The following MKLN1 variants were observed in gnomAD, a reference collection of about 807,000 sequenced individuals.
MKLN1 encodes muskelin.
MKLN1 carries 18 observed loss-of-function variants against 99.0 expected under a neutral mutation model. The observed-to-expected ratio is 0.18, with a 90% confidence interval of 0.13 to 0.27. The LOEUF (loss-of-function observed/expected upper bound fraction) is 0.27. MKLN1 is among the 10% of genes least tolerant of loss of function. MKLN1 has a pLI of 1.00. For missense variants in MKLN1, 621 were observed against 875.9 expected (o/e 0.71, Z 3.67); for synonymous variants, 288 against 293.2 (o/e 0.98, Z 0.18).
intron 3 of MKLN1, among the ~76,000 whole-genome samples, chr7:131,295,679 T>C (rs75216762): frequency 0.064 from 9,734 of 151,530 alleles, 366 homozygotes; most frequent in Middle Eastern, 0.14. Flanking sequence ...AGCTTAGGAG[T>C]CTGATACCAG....
chr7:131,461,348 A>G (rs967131573), intron 12 of MKLN1, among the ~76,000 whole-genome samples: 3 of 151,812 alleles, frequency 2.0e-5, no homozygotes, highest in African/African-American at 7.3e-5. Flanking sequence ...CAGACTTTAC[A>G]TACACTAAAG....
At chr7:131,333,878 T>C (rs1448449212) in intron 1 of MKLN1, among the ~76,000 whole-genome samples, 1 of 152,140 alleles carries the variant, frequency 6.6e-6, no homozygotes, top group East Asian at 1.9e-4. Flanking sequence ...AGATGTTGAG[T>C]TGCTGGATTA....
At chr7:131,341,086 G>A (rs1466878579) in intron 1 of MKLN1, among the ~76,000 whole-genome samples, 5 of 151,776 alleles carry the variant, frequency 3.3e-5, no homozygotes, top group Admixed American at 3.3e-4. Context: ...GTTTTTAATA[G>A]TTTTTGAGTA....
At chr7:131,174,923 C>G (rs1233956747) in intron 2 of MKLN1, among the ~76,000 whole-genome samples, 2 of 151,990 alleles carry the variant, frequency 1.3e-5, no homozygotes, top group Non-Finnish European at 2.9e-5. Flanking sequence ...CTCTCCTCCC[C>G]ACTTGTCTCC....
At chr7:131,320,214 C>G (rs1798749750) in intron 3 of MKLN1, among the ~76,000 whole-genome samples, 1 of 152,200 alleles carries the variant, frequency 6.6e-6, no homozygotes, top group Admixed American at 6.5e-5. Context: ...CAGCATGATA[C>G]TGGTACCAAA....
chr7:131,385,359 C>A (rs765308105), intron 2 of MKLN1, among the ~76,000 whole-genome samples: 15 of 149,108 alleles, frequency 1.0e-4, no homozygotes, highest in Non-Finnish European at 1.9e-4. Flanking sequence ...TTTTTTTCCT[C>A]ATTTCATTTG....
intron 3 of MKLN1, among the ~76,000 whole-genome samples, chr7:131,225,466 T>A (rs893043727): frequency 6.6e-6 from 1 of 151,960 alleles, no homozygotes; most frequent in African/African-American, 2.4e-5. Flanking sequence ...GCAGCTGGAG[T>A]CCCAGCCACC....
intron 16 of MKLN1, among the ~76,000 whole-genome samples, chr7:131,473,855 G>A (rs1387373807): frequency 4.6e-5 from 7 of 152,160 alleles, no homozygotes; most frequent in Admixed American, 4.6e-4. Context: ...CATTAGAATT[G>A]AATAAGTACT....
chr7:131,318,928 G>C (rs887995171), intron 3 of MKLN1, among the ~76,000 whole-genome samples: 8 of 152,146 alleles, frequency 5.3e-5, no homozygotes, highest in Non-Finnish European at 4.4e-5. Flanking sequence ...ACCAATAACA[G>C]GCTCTGAAAT....
chr7:131,418,269 C>T (rs1172503461), intron 8 of MKLN1, among the ~76,000 whole-genome samples: 6 of 149,534 alleles, frequency 4.0e-5, no homozygotes, highest in South Asian at 2.1e-4. Context: ...CTCGGGGGGC[C>T]GAGGCAGGAG....
chr7:131,147,671 A>G (rs1045442452), intron 2 of MKLN1, among the ~76,000 whole-genome samples: 3 of 152,216 alleles, frequency 2.0e-5, no homozygotes, highest in African/African-American at 4.8e-5. Flanking sequence ...CTACAGTCAC[A>G]TAGCTAGAAA....
At chr7:131,350,119 ATATTT>A (rs1799676836) in intron 1 of MKLN1, among the ~76,000 whole-genome samples, 1 of 152,146 alleles carries the variant, frequency 6.6e-6, no homozygotes, top group South Asian at 2.1e-4. Context: ...TTCTTCTGGT[ATATTT>A]TAAAGTAAAT....
chr7:131,242,689 C>T, intron 3 of MKLN1: 1 of 642,072 alleles, frequency 1.6e-6, no homozygotes. Flanking sequence ...GATGATGGTA[C>T]CTTAGATCGC....
chr7:131,416,215 T>C (rs920538401), intron 8 of MKLN1, among the ~76,000 whole-genome samples: 5 of 152,228 alleles, frequency 3.3e-5, no homozygotes, highest in African/African-American at 9.6e-5. Flanking sequence ...AAAAGTAATA[T>C]GGTTTACTTT....
chr7:131,295,883 CA>C (rs57235729), intron 3 of MKLN1, among the ~76,000 whole-genome samples: 127 of 103,406 alleles, frequency 1.2e-3, no homozygotes, highest in Middle Eastern at 5.1e-3. Flanking sequence ...ACGTCCTATC[CA>C]AAAAAAAAAA....
chr7:131,314,453 C>T (rs1249328633), intron 3 of MKLN1, among the ~76,000 whole-genome samples: 1 of 152,126 alleles, frequency 6.6e-6, no homozygotes. Context: ...GATGGAGTCT[C>T]GCTCTGTCAC....
At position 131,387,271 on chromosome 7, in the gene MKLN1, T is replaced by C; in HGVS notation, c.311+9T>C. Reference sequence around the variant, plus strand: ...ACAGAGCTGTTGTCCAGGTGAGTTATGGTTATGTTGAAGAGAGCTGTCTTC... The same window carrying C: ...ACAGAGCTGTTGTCCAGGTGAGTTACGGTTATGTTGAAGAGAGCTGTCTTC... On this transcript the variant is annotated intron_variant, in intron 3 of 17. Coordinates refer to ENST00000352689, the MANE Select transcript of MKLN1 (RefSeq NM_013255.5). The C allele has an allele frequency of 5.0e-6, 8 of 1,604,070 alleles. No homozygotes were observed. The highest frequency in any genetic ancestry group is 2.2e-5 in the East Asian group (1 of 44,670).
chr7:131,450,554 T>A (rs1213624576), intron 12 of MKLN1, among the ~76,000 whole-genome samples: 1 of 152,208 alleles, frequency 6.6e-6, no homozygotes, highest in African/African-American at 2.4e-5. Context: ...CCCATTTTAG[T>A]TCTCCAGTCC....
At position 131,411,335 on chromosome 7, in the gene MKLN1, C is replaced by G; in HGVS notation, c.733C>G (p.Gln245Glu). 6.2e-7 allele frequency: 1 copy of G among 1,611,566 alleles called. No homozygotes were observed. Residue 245 changes from glutamine to glutamate, a missense_variant, in exon 7 of 18, where the codon CAG (glutamine) becomes GAG (glutamate). This residue lies in a region of MKLN1 where 361 missense variants were observed against 540.8 expected (regional missense o/e 0.67). Coordinates refer to ENST00000352689, the MANE Select transcript of MKLN1 (RefSeq NM_013255.5). The part of the protein sequence containing the change: ...DGLFNQYISQ[Q>E]EYKPRWSQII... ...CTTGTTCAATCAGTATATCAGTCAA[C>G]AGGAATATAAGCCACGATGGAGTCA... is the stretch of plus-strand genomic sequence containing the variant.
Sources: gnomAD v4.1 joint callset for allele counts (sites outside exome capture counted in the v4.1 genomes callset) on GRCh38, gnomAD v4.1.1 for gene constraint, gnomAD v4.1.1 regional missense constraint, MANE v1.5 for transcripts, NCBI Gene and HGNC (gene_info 2026-07-23, HGNC 2026-07-21) for gene names.